The following ARFGEF2 variants were observed in gnomAD, a reference collection of about 807,000 sequenced individuals.
The protein encoded by ARFGEF2 is ARF guanine nucleotide exchange factor 2, also known as brefeldin A-inhibited guanine nucleotide-exchange protein 2.
In ARFGEF2, 74 loss-of-function variants were observed where a neutral mutation model predicts 219.9. The observed-to-expected ratio is 0.34, with a 90% confidence interval of 0.28 to 0.41. The LOEUF is 0.41. ARFGEF2 is among the 10% of genes least tolerant of loss of function. ARFGEF2 has a pLI of 1.00. For synonymous variants in ARFGEF2, 733 were observed against 799.2 expected, an observed-to-expected ratio of 0.92 and a Z score of 1.40; for missense variants, 1,743 against 2,218.3, an observed-to-expected ratio of 0.79 and a Z score of 4.30.
chr20:48,985,261 G>C, intron 15 of ARFGEF2, 147 bp from the exon 16 acceptor site: 3 of 824,856 alleles, frequency 3.6e-6, no homozygotes, highest in South Asian at 3.0e-5. Context: ...GGGTGGGCAG[G>C]TCAGGGAGTT....
chr20:48,971,352 G>C lies in ARFGEF2; in HGVS notation c.1423G>C (p.Glu475Gln). 6.2e-7 allele frequency: 1 copy of C among 1,612,814 alleles called. No individual in the cohort carries two copies. Among genetic ancestry groups the C allele is most frequent in the Non-Finnish European group, 8.5e-7 (1 of 1,178,890 alleles). The change falls in exon 10 of 39, where the codon GAG becomes CAG. Residue 475 changes from glutamate to glutamine, a missense_variant and splice_region_variant. This residue lies in a region of ARFGEF2 where 666 missense variants were observed against 955.4 expected (regional missense o/e 0.70). Coordinates refer to ENST00000371917, the MANE Select transcript of ARFGEF2 (RefSeq NM_006420.3). Reference sequence around the variant, plus strand: ...TAAAATGCACTTGAAAATGCAGATAGAGGTACGGATTCCAAAGTTTTTTCA... The same window carrying C: ...TAAAATGCACTTGAAAATGCAGATACAGGTACGGATTCCAAAGTTTTTTCA... ...NFKMHLKMQIEVFFKEIFLNI... is the reference protein window; with the variant it reads ...NFKMHLKMQIQVFFKEIFLNI...
At chr20:49,024,149 T>G (rs971263765) in intron 35 of ARFGEF2, among the ~76,000 whole-genome samples, 25 of 152,166 alleles carry the variant, frequency 1.6e-4, no homozygotes, top group African/African-American at 6.0e-4. Flanking sequence ...TTTTTTACAT[T>G]TTTTGTAGAG....
rs2091079162 is a variant in ARFGEF2 at position 48,952,764 on chromosome 20, G to A, written c.483G>A (p.Gln161=). ...AAATTCATGAGGGTACTATCCTGCA[G>A]ACAGTGAGAACATGTTACAATATCT... The part of the protein sequence containing the change: ...HIEIHEGTIL[Q]TVRTCYNIYL... Residue 161 remains glutamine, a synonymous_variant, in exon 5 of 39, where the codon CAG becomes CAA. Transcript: ENST00000371917. 2 of 1,614,234 alleles carry A rather than the reference G, an allele frequency of 1.2e-6. No individual in the cohort carries two copies. Among genetic ancestry groups the A allele is most frequent in the Non-Finnish European group, 1.7e-6 (2 of 1,180,044 alleles).
intron 1 of ARFGEF2, among the ~76,000 whole-genome samples, chr20:48,931,228 CT>C (rs949061441): frequency 6.6e-6 from 1 of 151,912 alleles, no homozygotes; most frequent in Non-Finnish European, 1.5e-5. Flanking sequence ...TTTGTTTTTT[CT>C]TTTTTTTAAG....
rs371449130 is a variant in ARFGEF2, at chr20:48,989,334, G to A, written c.2583G>A (p.Glu861=). The change falls in exon 19 of 39, where the codon GAG becomes GAA. Residue 861 remains glutamate (E), a synonymous_variant. Transcript: ENST00000371917. The part of the protein sequence containing the change: ...QRRLLYNLEM[E]QMAKTAKALM... ...GGCTGCTGTACAACTTAGAGATGGA[G>A]CAAATGGCTAAAACAGCCAAAGCTC... The A allele has an allele frequency of 1.9e-6, 3 of 1,614,190 alleles. No homozygotes were observed. The highest frequency in any genetic ancestry group is 4.5e-5 in the East Asian group (2 of 44,886).
intron 5 of ARFGEF2, 54 bp from the exon 6 acceptor site, chr20:48,953,502 G>A: frequency 6.5e-7 from 1 of 1,545,128 alleles, no homozygotes; most frequent in South Asian, 1.1e-5. Flanking sequence ...TAATAGGCTG[G>A]CATAATTTTT....
chr20:48,938,760 G>A (rs1369489803), intron 1 of ARFGEF2, among the ~76,000 whole-genome samples: 1 of 152,128 alleles, frequency 6.6e-6, no homozygotes, highest in Non-Finnish European at 1.5e-5. Flanking sequence ...GGAAAAATCA[G>A]AACAACTAGC....
chr20:48,962,113 G>A (rs990910300), intron 6 of ARFGEF2, among the ~76,000 whole-genome samples: 8 of 152,222 alleles, frequency 5.3e-5, no homozygotes, highest in Non-Finnish European at 5.9e-5. Flanking sequence ...CTGGGAGGCG[G>A]AGGCTGTAGT....
chr20:49,025,175 T>G (rs773427068), intron 35 of ARFGEF2, 138 bp from the exon 36 acceptor site: 1 of 889,024 alleles, frequency 1.1e-6, no homozygotes, highest in African/African-American at 1.7e-5. Context: ...TGGAAATGTT[T>G]CAGGGTGTTG....
chr20:48,965,211 G>T (rs1346055229), intron 7 of ARFGEF2, among the ~76,000 whole-genome samples: 1 of 152,200 alleles, frequency 6.6e-6, no homozygotes. Context: ...CGCTACTGCA[G>T]AGCCTGGTAC....
chr20:48,994,435 G>T lies in ARFGEF2; in HGVS notation c.2974-16G>T, dbSNP rs376489658. 3 of 1,613,568 alleles carry T rather than the reference G, an allele frequency of 1.9e-6. No homozygotes were observed. Among genetic ancestry groups the T allele is most frequent in the African/African-American group, 2.7e-5 (2 of 74,966 alleles). The stretch of plus-strand genomic sequence containing the variant: ...GTAAGGTAGGAACTCATTTCTTCAT[G>T]CCTTCTTTCTCTTAGATCTTGAAAT... On this transcript the variant is annotated splice_polypyrimidine_tract_variant and intron_variant, in intron 21 of 38. Transcript: ENST00000371917.
chr20:49,008,641 C>T (rs2091477636), intron 26 of ARFGEF2, among the ~76,000 whole-genome samples: 1 of 148,476 alleles, frequency 6.7e-6, no homozygotes, highest in African/African-American at 2.5e-5. Context: ...TAGAATTGGA[C>T]AGACAATATA....
At chr20:49,021,222 T>G (rs2123550463) in intron 34 of ARFGEF2, among the ~76,000 whole-genome samples, 1 of 151,362 alleles carries the variant, frequency 6.6e-6, no homozygotes, top group Admixed American at 6.6e-5. Flanking sequence ...GGCAACATGG[T>G]GAGACCCCAT....
At chr20:48,967,138 A>G (rs887683605) in intron 8 of ARFGEF2, among the ~76,000 whole-genome samples, 1 of 152,180 alleles carries the variant, frequency 6.6e-6, no homozygotes, top group African/African-American at 2.4e-5. Flanking sequence ...GAGCCACTGT[A>G]TCCAACCAGA....
chr20:49,033,424 T>C lies in ARFGEF2; in HGVS notation c.*225T>C. On this transcript the variant is annotated 3_prime_UTR_variant, in exon 39 of 39. Coordinates refer to ENST00000371917, the MANE Select transcript of ARFGEF2 (RefSeq NM_006420.3). ...CAGTTAGCACAGTAGGTGGGGAGTCTGCTTCATTTCTATCATTCCATTTTT... is the reference window on the plus strand; with the variant it reads ...CAGTTAGCACAGTAGGTGGGGAGTCCGCTTCATTTCTATCATTCCATTTTT... 2 of 544,042 alleles carry C rather than the reference T, an allele frequency of 3.7e-6. No individual in the cohort carries two copies. Among genetic ancestry groups the C allele is most frequent in the South Asian group, 2.4e-5 (1 of 41,340 alleles). 33.7% of individuals were successfully genotyped at this position (544,042 alleles called of 1,614,324 possible).
At chr20:49,026,122 C>T (rs1474853090) in intron 36 of ARFGEF2, among the ~76,000 whole-genome samples, 1 of 151,832 alleles carries the variant, frequency 6.6e-6, no homozygotes, top group Non-Finnish European at 1.5e-5. Context: ...ATTGCTTGAG[C>T]CCAGGAGTTC....
chr20:48,923,917 G>T (rs918984766), intron 1 of ARFGEF2, among the ~76,000 whole-genome samples: 1 of 152,190 alleles, frequency 6.6e-6, no homozygotes, highest in Non-Finnish European at 1.5e-5. Flanking sequence ...ACAAGTAGTG[G>T]AATGCATGTT....
chr20:49,031,842 G>A (rs900287339), intron 37 of ARFGEF2, among the ~76,000 whole-genome samples: 6 of 151,626 alleles, frequency 4.0e-5, no homozygotes, highest in African/African-American at 4.8e-5. Context: ...GCTTGAGCCC[G>A]AGGAGGTCAA....
chr20:48,922,138 C>G (rs372199821), intron 1 of ARFGEF2, 128 bp downstream of exon 1: 4 of 1,406,744 alleles, frequency 2.8e-6, no homozygotes, highest in East Asian at 2.7e-5. Flanking sequence ...CCCTTCCGGC[C>G]TCCTCCTCAT....
Sources: allele counts gnomAD v4.1 joint callset (sites outside exome capture counted in the v4.1 genomes callset), GRCh38; gene constraint gnomAD v4.1.1; regional missense constraint gnomAD v4.1.1; transcripts MANE v1.5; gene names NCBI Gene and HGNC (gene_info 2026-07-23, HGNC 2026-07-21).